The following NCR3LG1 variants were observed in gnomAD, a reference collection of about 807,000 sequenced individuals.
The protein encoded by NCR3LG1 is natural cytotoxicity triggering receptor 3 ligand 1.
In NCR3LG1, 35 loss-of-function variants were observed where a neutral mutation model predicts 34.8. That is an observed-to-expected ratio of 1.01 (90% CI 0.77 to 1.33). The LOEUF is 1.33. Ranked by LOEUF, NCR3LG1 falls within the 40% of genes most tolerant of loss-of-function variation. NCR3LG1 has a pLI of 0.00. For synonymous variants in NCR3LG1, 173 were observed against 163.6 expected, an observed-to-expected ratio of 1.06 and a Z score of -0.44; for missense variants, 452 against 423.3, an observed-to-expected ratio of 1.07 and a Z score of -0.60.
At chr11:17,366,042 T>C (rs1953340865) in intron 2 of NCR3LG1, among the ~76,000 whole-genome samples, 1 of 152,198 alleles carries the variant, frequency 6.6e-6, no homozygotes, top group African/African-American at 2.4e-5. Flanking sequence ...TGTTCAGCTT[T>C]TGTTCTTATT....
At chr11:17,364,403 A>G (rs1591683228) in intron 2 of NCR3LG1, among the ~76,000 whole-genome samples, 1 of 152,114 alleles carries the variant, frequency 6.6e-6, no homozygotes, top group South Asian at 2.1e-4. Context: ...CATGTTGGAC[A>G]GGGTGGTCGC....
At chr11:17,366,678 C>T (rs931993478) in intron 2 of NCR3LG1, among the ~76,000 whole-genome samples, 2 of 152,174 alleles carry the variant, frequency 1.3e-5, no homozygotes, top group African/African-American at 4.8e-5. Flanking sequence ...GGCACTGGCA[C>T]CAACATACCC....
chr11:17,352,305 C>G (rs542619731), intron 1 of NCR3LG1, among the ~76,000 whole-genome samples: 11 of 151,724 alleles, frequency 7.3e-5, no homozygotes, highest in Non-Finnish European at 1.2e-4. Flanking sequence ...CTCAGACTCC[C>G]GAGTAGCTGG....
chr11:17,352,436 A>C (rs1196491846), intron 1 of NCR3LG1, among the ~76,000 whole-genome samples: 2 of 151,816 alleles, frequency 1.3e-5, no homozygotes, highest in Non-Finnish European at 2.9e-5. Flanking sequence ...CGGCCTCCCA[A>C]AGTGCGGGGA....
At chr11:17,370,145 A>G (rs980625945) in intron 4 of NCR3LG1, among the ~76,000 whole-genome samples, 1 of 152,212 alleles carries the variant, frequency 6.6e-6, no homozygotes, top group Non-Finnish European at 1.5e-5. Flanking sequence ...GGGTGGAGCT[A>G]CCAGAAATGT....
chr11:17,372,048 A>G lies in NCR3LG1; in HGVS notation c.901A>G (p.Ile301Val). The change falls in exon 5 of 5, where the codon ATT becomes GTT. Residue 301 changes from isoleucine (I) to valine (V), a missense_variant. Physicochemically the swap from Ile to Val is conservative, Grantham distance 29. Coordinates refer to ENST00000338965, the MANE Select transcript of NCR3LG1 (RefSeq NM_001202439.3). ...SSSAYTPLKCILKHWNSFDTQ... is the reference protein window; with the variant it reads ...SSSAYTPLKCVLKHWNSFDTQ... ...TTCAGCCTATACTCCTCTCAAGTGC[A>G]TTCTGAAACACTGGAACTCCTTTGA... 1 of 702,722 alleles carries G rather than the reference A, an allele frequency of 1.4e-6. No individual in the cohort carries two copies. The highest frequency in any genetic ancestry group is 2.6e-6 in the Non-Finnish European group (1 of 384,994). The allele number at this position is 702,722 out of a possible 1,614,324, so 43.5% of individuals were successfully genotyped here.
downstream of NCR3LG1, among the ~76,000 whole-genome samples, chr11:17,377,962 G>A (rs1390096673): frequency 6.6e-6 from 1 of 152,196 alleles, no homozygotes; most frequent in African/African-American, 2.4e-5. Flanking sequence ...GGTAGGACCT[G>A]CACATGACAA....
At chr11:17,355,356 C>T (rs1953192425) in intron 1 of NCR3LG1, among the ~76,000 whole-genome samples, 1 of 151,814 alleles carries the variant, frequency 6.6e-6, no homozygotes, top group East Asian at 1.9e-4. Flanking sequence ...GTGATAGCAC[C>T]ACTGCACTCC....
At chr11:17,369,181 T>G (rs917619016) in intron 4 of NCR3LG1, among the ~76,000 whole-genome samples, 8 of 152,196 alleles carry the variant, frequency 5.3e-5, no homozygotes, top group Non-Finnish European at 1.0e-4. Context: ...GACCTCTGTA[T>G]GGTGGTTTGT....
downstream of NCR3LG1, among the ~76,000 whole-genome samples, chr11:17,379,094 C>A (rs1392564218): frequency 6.6e-6 from 1 of 152,206 alleles, no homozygotes; most frequent in Non-Finnish European, 1.5e-5. Context: ...CTCTTTTGGG[C>A]CCCCTCTTGG....
At chr11:17,353,847 G>A (rs1490780820) in intron 1 of NCR3LG1, among the ~76,000 whole-genome samples, 1 of 152,222 alleles carries the variant, frequency 6.6e-6, no homozygotes, top group African/African-American at 2.4e-5. Context: ...AAGAGACTGT[G>A]AAATGGAAAA....
chr11:17,372,437 A>G lies in NCR3LG1; in HGVS notation c.1290A>G (p.Glu430=). ...APILPVSPIW[E]PPPATTSTTP... The stretch of plus-strand genomic sequence containing the variant: ...TCCTTCCTGTCTCCCCTATCTGGGA[A>G]CCTCCTCCAGCCACAACATCAACAA... The change falls in exon 5 of 5, where the codon GAA becomes GAG. Residue 430 remains glutamate (E), a synonymous_variant. Coordinates refer to ENST00000338965, the MANE Select transcript of NCR3LG1 (RefSeq NM_001202439.3). 1.4e-6 allele frequency: 1 copy of G among 703,126 alleles called. No individual in the cohort carries two copies. Among genetic ancestry groups the G allele is most frequent in the Non-Finnish European group, 2.6e-6 (1 of 385,014 alleles). The allele number at this position is 703,126 out of a possible 1,614,324, so 43.6% of individuals were successfully genotyped here.
At chr11:17,366,799 G>A (rs1953348718) in intron 2 of NCR3LG1, among the ~76,000 whole-genome samples, 1 of 152,196 alleles carries the variant, frequency 6.6e-6, no homozygotes, top group Non-Finnish European at 1.5e-5. Context: ...CCCTTAAGGA[G>A]TGCCCAGTCT....
rs191687225 is a variant in NCR3LG1 at position 17,372,411 on chromosome 11, A to T, written c.1264A>T (p.Ile422Phe). ...EHSDAVPDAP[I>F]LPVSPIWEPP... ...CTCGGATGCAGTTCCGGATGCCCCA[A>T]TCCTTCCTGTCTCCCCTATCTGGGA... is the stretch of plus-strand genomic sequence containing the variant. Residue 422 changes from isoleucine to phenylalanine, a missense_variant, in exon 5 of 5, where the codon ATC becomes TTC. By Grantham distance (21) the Ile-to-Phe change is conservative. Coordinates refer to ENST00000338965, the MANE Select transcript of NCR3LG1 (RefSeq NM_001202439.3). 1.0e-5 allele frequency: 7 copies of T among 703,178 alleles called. No homozygotes were observed. Among genetic ancestry groups the T allele is most frequent in the Non-Finnish European group, 1.8e-5 (7 of 385,022 alleles). 43.6% of individuals were successfully genotyped at this position (703,178 alleles called of 1,614,324 possible). A position where few individuals can be genotyped will look rare whatever the true frequency, so the allele number is the denominator to read the frequency against.
In NCR3LG1 at chr11:17,372,219, G is replaced by C; in HGVS notation, c.1072G>C (p.Glu358Gln). 1.4e-6 allele frequency: 1 copy of C among 703,076 alleles called. No homozygotes were observed. The highest frequency in any genetic ancestry group is 1.5e-5 in the South Asian group (1 of 67,596). 43.6% of individuals were successfully genotyped at this position (703,076 alleles called of 1,614,324 possible). The change falls in exon 5 of 5, where the codon GAG becomes CAG. Residue 358 changes from glutamate (E) to glutamine (Q), a missense_variant. Glu to Gln is a conservative substitution (Grantham distance 29, BLOSUM62 2). Coordinates refer to ENST00000338965, the MANE Select transcript of NCR3LG1 (RefSeq NM_001202439.3). Reference sequence around the variant, plus strand: ...ACAACTAGATGTTTTCTGCAGACAGGAGGGCAAATGGTCCGAGGTTCCTTA... The same window carrying C: ...ACAACTAGATGTTTTCTGCAGACAGCAGGGCAAATGGTCCGAGGTTCCTTA... The part of the protein sequence containing the change: ...IQQLDVFCRQ[E>Q]GKWSEVPYVQ...
chr11:17,366,246 C>T (rs1035614471), intron 2 of NCR3LG1, among the ~76,000 whole-genome samples: 2 of 152,296 alleles, frequency 1.3e-5, no homozygotes, highest in South Asian at 2.1e-4. Context: ...GTATCGTCCA[C>T]CTTGTGTTTG....
chr11:17,365,701 G>A (rs1029852235), intron 2 of NCR3LG1, among the ~76,000 whole-genome samples: 2 of 152,158 alleles, frequency 1.3e-5, no homozygotes, highest in South Asian at 4.1e-4. Flanking sequence ...ATCTGGTGGG[G>A]TTCCTGGAAG....
chr11:17,360,299 A>C (rs956611870), intron 2 of NCR3LG1, among the ~76,000 whole-genome samples: 3 of 152,232 alleles, frequency 2.0e-5, no homozygotes, highest in Non-Finnish European at 4.4e-5. Flanking sequence ...AGCCTTTATC[A>C]GATAGATGTC....
chr11:17,372,276 C>T lies in NCR3LG1; in HGVS notation c.1129C>T (p.Pro377Ser), dbSNP rs957248562. The T allele has an allele frequency of 5.7e-6, 4 of 703,028 alleles. No homozygotes were observed. Among genetic ancestry groups the T allele is most frequent in the Admixed American group, 4.0e-5 (2 of 49,996 alleles). The allele number at this position is 703,028 out of a possible 1,614,324, so 43.5% of individuals were successfully genotyped here. Residue 377 changes from proline to serine, a missense_variant, in exon 5 of 5, where the codon CCA becomes TCA. Physicochemically the swap from Pro to Ser is moderately conservative, Grantham distance 74. Transcript: ENST00000338965. ...AGCCTTCTTTGCCTTGCGAGACAAC[C>T]CAGATCTTTGTCAGTGTTGTAGAAT... ...VQAFFALRDN[P>S]DLCQCCRIDP...
Sources: gnomAD v4.1 joint callset for allele counts (sites outside exome capture counted in the v4.1 genomes callset) on GRCh38, gnomAD v4.1.1 for gene constraint, MANE v1.5 for transcripts, NCBI Gene and HGNC (gene_info 2026-07-23, HGNC 2026-07-21) for gene names.